FGF12: variants seen among roughly 807,000 people sequenced by gnomAD.
FGF12 encodes the protein fibroblast growth factor 12B.
FGF12 carries 14 observed loss-of-function variants against 23.6 expected under a neutral mutation model. That is an observed-to-expected ratio of 0.59 (90% CI 0.39 to 0.93). The LOEUF (loss-of-function observed/expected upper bound fraction) is 0.93, where lower values mean the gene tolerates loss of function less well. Among genes scored for constraint, FGF12 ranks in the 40% least tolerant of loss-of-function variants. The pLI is 0.00. For synonymous variants in FGF12, 62 were observed against 77.3 expected (o/e 0.80, Z 1.04); for missense variants, 175 against 217.8 (o/e 0.80, Z 1.24).
chr3:192,334,092 A>T (rs1041159362), intron 4 of FGF12, among the ~76,000 whole-genome samples: 11 of 152,036 alleles, frequency 7.2e-5, no homozygotes, highest in Non-Finnish European at 5.9e-5. Context: ...GTTAATGAAA[A>T]CTCAGGGAAG....
chr3:192,684,411 C>A (rs1013496666), intron 2 of FGF12, among the ~76,000 whole-genome samples: 2 of 152,166 alleles, frequency 1.3e-5, no homozygotes, highest in Non-Finnish European at 2.9e-5. Flanking sequence ...TCAAGACCAA[C>A]TGATCAGGGT....
chr3:192,266,798 C>CCA (rs376275029), intron 4 of FGF12, among the ~76,000 whole-genome samples: 6,867 of 146,730 alleles, frequency 0.047, 251 homozygotes, highest in African/African-American at 0.1. Flanking sequence ...TCTTTAAACA[C>CCA]CACACACACA....
At chr3:192,492,409 T>C (rs144775796) in intron 2 of FGF12, among the ~76,000 whole-genome samples, 5 of 152,166 alleles carry the variant, frequency 3.3e-5, no homozygotes, top group Admixed American at 2.6e-4. Flanking sequence ...GGGATTGATG[T>C]TTTTTTCTCT....
At chr3:192,591,852 G>C (rs1373071734) in intron 2 of FGF12, among the ~76,000 whole-genome samples, 1 of 151,836 alleles carries the variant, frequency 6.6e-6, no homozygotes, top group Non-Finnish European at 1.5e-5. Flanking sequence ...GAAGGGTATG[G>C]GTAGAGGGAA....
intron 2 of FGF12, among the ~76,000 whole-genome samples, chr3:192,456,120 TA>T (rs1038579187): frequency 6.6e-6 from 1 of 152,216 alleles, no homozygotes; most frequent in Admixed American, 6.5e-5. Flanking sequence ...TGAGAGATGA[TA>T]AAAACATGGT....
intron 2 of FGF12, among the ~76,000 whole-genome samples, chr3:192,518,173 G>C: frequency 1.3e-5 from 2 of 152,080 alleles, no homozygotes; most frequent in East Asian, 3.8e-4. Flanking sequence ...TCTGTCTGTA[G>C]TTGGGATTTT....
chr3:192,284,949 A>G (rs1714362353), intron 4 of FGF12, among the ~76,000 whole-genome samples: 1 of 152,050 alleles, frequency 6.6e-6, no homozygotes, highest in Non-Finnish European at 1.5e-5. Flanking sequence ...TGGGATTTAC[A>G]ACAAGCTGAT....
intron 2 of FGF12, among the ~76,000 whole-genome samples, chr3:192,485,258 T>A (rs566973296): frequency 1.9e-4 from 29 of 152,180 alleles, no homozygotes; most frequent in Non-Finnish European, 3.8e-4. Flanking sequence ...CACAAAATTT[T>A]GAAACGAATG....
chr3:192,432,504 A>G (rs140610403), intron 2 of FGF12, among the ~76,000 whole-genome samples: 12 of 152,116 alleles, frequency 7.9e-5, no homozygotes, highest in African/African-American at 2.7e-4. Flanking sequence ...TCCTTAGCAG[A>G]TCAGAGAGAG....
chr3:192,666,956 T>TAGAC (rs768386201), intron 2 of FGF12, among the ~76,000 whole-genome samples: 5 of 145,616 alleles, frequency 3.4e-5, no homozygotes, highest in African/African-American at 1.0e-4. Flanking sequence ...GATAGATAGA[T>TAGAC]AGACATAAAG....
chr3:192,450,059 T>C lies in FGF12; in HGVS notation c.14-89521A>G, dbSNP rs146611907. On this transcript the variant is annotated intron_variant, in intron 2 of 5. Transcript: ENST00000445105. Reference sequence around the variant, plus strand: ...TTTCTGTCTCCTGAGTTGACCACAATTGATACACCATCTTTCAAGATGATG... The same window carrying C: ...TTTCTGTCTCCTGAGTTGACCACAACTGATACACCATCTTTCAAGATGATG... 9.8e-5 allele frequency among the ~76,000 whole-genome samples: 15 copies of C among 152,310 alleles called. No individual in the cohort carries two copies. The East Asian group carries it at 2.7e-3, about 27-fold the overall frequency.
intron 2 of FGF12, among the ~76,000 whole-genome samples, chr3:192,644,012 C>A (rs1715903488): frequency 6.6e-6 from 1 of 152,194 alleles, no homozygotes; most frequent in South Asian, 2.1e-4. Flanking sequence ...CTAGGCTGAA[C>A]TTCCAGCCTT....
intron 2 of FGF12, among the ~76,000 whole-genome samples, chr3:192,717,575 G>GT (rs1484622050): frequency 6.6e-6 from 1 of 151,898 alleles, no homozygotes; most frequent in Non-Finnish European, 1.5e-5. Flanking sequence ...ACCTATTACA[G>GT]TTTTTTTCCC....
chr3:192,472,182 A>AC (rs1723193890), intron 2 of FGF12, among the ~76,000 whole-genome samples: 1 of 151,848 alleles, frequency 6.6e-6, no homozygotes, highest in African/African-American at 2.4e-5. Flanking sequence ...ACGCCCGGCT[A>AC]ATTTTATGCA....
intron 4 of FGF12, among the ~76,000 whole-genome samples, chr3:192,178,898 A>C (rs1716009960): frequency 6.6e-6 from 1 of 152,218 alleles, no homozygotes; most frequent in African/African-American, 2.4e-5. Flanking sequence ...CAACTGGGGA[A>C]TCTTCCAACA....
intron 2 of FGF12, among the ~76,000 whole-genome samples, chr3:192,428,004 C>A (rs1217571067): frequency 6.6e-6 from 1 of 152,182 alleles, no homozygotes; most frequent in East Asian, 1.9e-4. Flanking sequence ...CTGTGCTTTG[C>A]CAACCAAAGC....
At chr3:192,190,711 G>A (rs917641975) in intron 4 of FGF12, among the ~76,000 whole-genome samples, 2 of 151,754 alleles carry the variant, frequency 1.3e-5, no homozygotes, top group Admixed American at 6.6e-5. Flanking sequence ...TCCTGACCTC[G>A]TGATCCGCCC....
In FGF12 at chr3:192,714,513, A is replaced by ATTTTTTTTTTTTTTTTTTTTT. The variant is rs770781442; in HGVS notation, c.13+12647_13+12667dup. ...CTTATTTATAGATCTTAAGGAAATA[A>ATTTTTTTTTTTTTTTTTTTTT]TTTTTTTTTTTTTTTTTTTTTTTGA... On this transcript the variant is annotated intron_variant, in intron 2 of 5. Coordinates refer to ENST00000445105, the MANE Select transcript of FGF12 (RefSeq NM_004113.6). Among the ~76,000 whole-genome samples the ATTTTTTTTTTTTTTTTTTTTT allele has an allele frequency of 5.1e-4, 51 of 99,752 alleles. 2 individuals are homozygous for ATTTTTTTTTTTTTTTTTTTTT. The highest frequency in any genetic ancestry group is 2.5e-3 in the Admixed American group (20 of 8,126). The allele number at this position is 99,752 out of a possible 152,430, so 65.4% of individuals were successfully genotyped here. A position where few individuals can be genotyped will look rare whatever the true frequency, so the allele number is the denominator to read the frequency against.
intron 4 of FGF12, among the ~76,000 whole-genome samples, chr3:192,187,916 T>A (rs763746523): frequency 1.3e-5 from 2 of 151,958 alleles, no homozygotes; most frequent in Non-Finnish European, 2.9e-5. Flanking sequence ...GGTTACCATA[T>A]CACGGAAATA....
Sources: allele counts gnomAD v4.1 joint callset (sites outside exome capture counted in the v4.1 genomes callset), GRCh38; gene constraint gnomAD v4.1.1; transcripts MANE v1.5; gene names NCBI Gene and HGNC (gene_info 2026-07-23, HGNC 2026-07-21).